The following CLASRP variants were observed in gnomAD, a reference collection of about 807,000 sequenced individuals.
The protein encoded by CLASRP is CLK4 associating serine/arginine rich protein.
CLASRP carries 52 observed loss-of-function variants against 99.9 expected under a neutral mutation model. The observed-to-expected ratio is 0.52, with a 90% CI of 0.42 to 0.66. CLASRP has a LOEUF of 0.66. Ranked by LOEUF, CLASRP falls within the 30% of genes least tolerant of loss-of-function variation. The pLI is 0.00. For synonymous variants in CLASRP, 379 were observed against 373.0 expected (o/e 1.02, Z -0.18); for missense variants, 848 against 999.2 (o/e 0.85, Z 2.04).
At position 45,064,216 on chromosome 19, in the gene CLASRP, TGCCAGC is replaced by T; in HGVS notation, c.1114_1119del (p.Ser372_Ala373del). 1.3e-6 allele frequency: 2 copies of T among 1,595,546 alleles called. No individual in the cohort carries two copies. The highest frequency in any genetic ancestry group is 1.7e-6 in the Non-Finnish European group (2 of 1,172,374). On this transcript the variant is annotated inframe_deletion, in exon 12 of 21. Coordinates refer to ENST00000221455, the MANE Select transcript of CLASRP (RefSeq NM_007056.3). ...CTGGCGGCCCCGCCCCGGGACGTAA[TGCCAGC>T]GCCCGGTCGGTAACGCTCACGCCGC...
Position 45,052,176 on chromosome 19 carries a change from T to C in CLASRP, c.197+8T>C. On this transcript the variant is annotated splice_region_variant and intron_variant, in intron 3 of 20. Coordinates refer to ENST00000221455, the MANE Select transcript of CLASRP (RefSeq NM_007056.3). ...TGAGAGCCCTGTTAATATGTAAGAC[T>C]GATATGGAAGGCAGGGGAGTGTCTG... 1 of 1,611,784 alleles carries C rather than the reference T, an allele frequency of 6.2e-7. No individual in the cohort carries two copies. Among genetic ancestry groups the C allele is most frequent in the South Asian group, 1.1e-5 (1 of 91,018 alleles).
In CLASRP at chr19:45,053,091, C is replaced by A; in HGVS notation, c.300-7C>A. On this transcript the variant is annotated splice_region_variant and splice_polypyrimidine_tract_variant and intron_variant, in intron 4 of 20. Transcript: ENST00000221455. ...CTCTGATTTCAAGGTCTCGCCCTTC[C>A]CTAAAGCTCCCCAGAACAGGAGTCG... 1 of 1,613,952 alleles carries A rather than the reference C, an allele frequency of 6.2e-7. No homozygotes were observed. The highest frequency in any genetic ancestry group is 8.5e-7 in the Non-Finnish European group (1 of 1,179,980).
intron 6 of CLASRP, among the ~76,000 whole-genome samples, chr19:45,057,067 A>T (rs1490561888): frequency 6.6e-6 from 1 of 152,174 alleles, no homozygotes; most frequent in Admixed American, 6.5e-5. Context: ...TCTGAGGAGC[A>T]GTGGCCGAGC....
chr19:45,068,638 C>T (rs1028741354), intron 16 of CLASRP, among the ~76,000 whole-genome samples, 158 bp downstream of exon 16: 10 of 124,486 alleles, frequency 8.0e-5, no homozygotes, highest in Non-Finnish European at 1.2e-4. Flanking sequence ...GCATCAGCTC[C>T]GCTGCCGCTA....
chr19:45,054,842 A>G (rs756987403), intron 5 of CLASRP, among the ~76,000 whole-genome samples: 1 of 152,154 alleles, frequency 6.6e-6, no homozygotes, highest in Non-Finnish European at 1.5e-5. Flanking sequence ...GATGATGTGT[A>G]TAAAACCCCA....
At chr19:45,044,269 A>AG (rs1391539584) in intron 2 of CLASRP, among the ~76,000 whole-genome samples, 7 of 152,212 alleles carry the variant, frequency 4.6e-5, no homozygotes, top group Admixed American at 4.6e-4. Context: ...CCTGCGAGGT[A>AG]GGTATTGATC....
At chr19:45,043,460 C>T (rs1172583104) in intron 2 of CLASRP, among the ~76,000 whole-genome samples, 2 of 148,654 alleles carry the variant, frequency 1.3e-5, no homozygotes, top group Non-Finnish European at 3.0e-5. Flanking sequence ...CGTATATGCA[C>T]ATACCCAGCT....
At chr19:45,070,697 T>C in intron 20 of CLASRP, 106 bp from the exon 21 acceptor site, 1 of 1,304,144 alleles carries the variant, frequency 7.7e-7, no homozygotes. Context: ...TTGGGGAACA[T>C]CCTTCCCTCC....
intron 5 of CLASRP, among the ~76,000 whole-genome samples, chr19:45,055,424 G>A (rs1181322352): frequency 1.3e-5 from 2 of 152,206 alleles, no homozygotes; most frequent in East Asian, 3.8e-4. Flanking sequence ...GGTCAGCAGG[G>A]CCTCTCTTGG....
At chr19:45,066,796 G>T (rs1036267300) in intron 13 of CLASRP, among the ~76,000 whole-genome samples, 1 of 152,020 alleles carries the variant, frequency 6.6e-6, no homozygotes, top group Admixed American at 6.6e-5. Flanking sequence ...GTGGGCAGTG[G>T]GTGGAGAGTC....
rs1321230609 is a variant in CLASRP, at chr19:45,064,063, C to A, written c.957C>A (p.Thr319=). 6 of 1,612,596 alleles carry A rather than the reference C, an allele frequency of 3.7e-6. No individual in the cohort carries two copies. Among genetic ancestry groups the A allele is most frequent in the Non-Finnish European group, 5.1e-6 (6 of 1,179,840 alleles). ...SESRSRSRSP[T]PGREEKITFI... ...CCCGCTCCCGCTCCCGCTCCCCGACCCCGGGCCGCGAGGAGAAGATCACGT... is the reference window on the plus strand; with the variant it reads ...CCCGCTCCCGCTCCCGCTCCCCGACACCGGGCCGCGAGGAGAAGATCACGT... Residue 319 remains threonine, a synonymous_variant, in exon 12 of 21, where the codon ACC becomes ACA. Coordinates refer to ENST00000221455, the MANE Select transcript of CLASRP (RefSeq NM_007056.3).
intron 1 of CLASRP, 45 bp from the exon 2 acceptor site, chr19:45,040,139 G>A: frequency 9.3e-7 from 1 of 1,070,142 alleles, no homozygotes; most frequent in Non-Finnish European, 1.4e-6. Flanking sequence ...CTGCCCATAC[G>A]GGTTTCACAG....
chr19:45,054,806 G>A (rs146055773), intron 5 of CLASRP, among the ~76,000 whole-genome samples: 10 of 152,260 alleles, frequency 6.6e-5, no homozygotes, highest in East Asian at 3.9e-4. Flanking sequence ...ATTTTGTTGC[G>A]TGGGGTGGTT....
chr19:45,052,906 C>G lies in CLASRP; in HGVS notation c.299+14C>G. ...GCTCACCACCATGTAAGCCACCTCCCAGGGGGTTGCCAGGCACAGCGTCAT... is the reference window on the plus strand; with the variant it reads ...GCTCACCACCATGTAAGCCACCTCCGAGGGGGTTGCCAGGCACAGCGTCAT... On this transcript the variant is annotated intron_variant, in intron 4 of 20. Coordinates refer to ENST00000221455, the MANE Select transcript of CLASRP (RefSeq NM_007056.3). 1 of 1,593,770 alleles carries G rather than the reference C, an allele frequency of 6.3e-7. No individual in the cohort carries two copies. The highest frequency in any genetic ancestry group is 8.5e-7 in the Non-Finnish European group (1 of 1,169,944).
chr19:45,050,520 A>T (rs948295574), intron 2 of CLASRP, among the ~76,000 whole-genome samples: 1 of 152,024 alleles, frequency 6.6e-6, no homozygotes, highest in African/African-American at 2.4e-5. Context: ...CCCCATCTCT[A>T]CTAAAAATAC....
Position 45,064,558 on chromosome 19 carries a change from G to T in CLASRP, c.1337G>T (p.Gly446Val), listed in dbSNP as rs996616638. 1 of 1,539,386 alleles carries T rather than the reference G, an allele frequency of 6.5e-7. No individual in the cohort carries two copies. The highest frequency in any genetic ancestry group is 8.7e-7 in the Non-Finnish European group (1 of 1,146,904). The change falls in exon 13 of 21, where the codon GGC becomes GTC. Residue 446 changes from glycine (G) to valine (V), a missense_variant. Gly to Val is a moderately radical substitution (Grantham distance 109, BLOSUM62 -3). Around this residue, in one of 8 missense-constraint regions of CLASRP, gnomAD observed 489 missense variants for 434.7 expected, o/e 1.12. Coordinates refer to ENST00000221455, the MANE Select transcript of CLASRP (RefSeq NM_007056.3). ...CGTGGCCGGCGGCACTCAGGTGGGGGCTCCCGAGACGGACACCGGTACTCC... is the reference window on the plus strand; with the variant it reads ...CGTGGCCGGCGGCACTCAGGTGGGGTCTCCCGAGACGGACACCGGTACTCC... ...RSRGRRHSGG[G>V]SRDGHRYSRS...
At position 45,057,754 on chromosome 19, in the gene CLASRP, G is replaced by A. The variant is rs139553242; in HGVS notation, c.469G>A (p.Ala157Thr). The change falls in exon 7 of 21, where the codon GCA (alanine) becomes ACA (threonine). Residue 157 changes from alanine (A) to threonine (T), a missense_variant. Ala to Thr is a moderately conservative substitution (Grantham distance 58). Coordinates refer to ENST00000221455, the MANE Select transcript of CLASRP (RefSeq NM_007056.3). Reference sequence around the variant, plus strand: ...TTACCAGCTCCCCTTTCTCAGGCTGGCAGAGAAGAAGGCTTCCATCGGTTA... The same window carrying A: ...TTACCAGCTCCCCTTTCTCAGGCTGACAGAGAAGAAGGCTTCCATCGGTTA... ...RPSEDEKKKLAEKKASIGYTY... is the reference protein window; with the variant it reads ...RPSEDEKKKLTEKKASIGYTY... 856 of 1,613,828 alleles carry A rather than the reference G, an allele frequency of 5.3e-4. No individual in the cohort carries two copies. The highest frequency in any genetic ancestry group is 7.0e-4 in the Non-Finnish European group (829 of 1,179,888).
chr19:45,054,439 G>A (rs894308122), intron 5 of CLASRP, among the ~76,000 whole-genome samples: 3 of 152,126 alleles, frequency 2.0e-5, no homozygotes, highest in Admixed American at 1.3e-4. Context: ...TAGTAGAGAC[G>A]GGGATTTCAC....
chr19:45,042,324 C>A lies in CLASRP; in HGVS notation c.99+2013C>A, dbSNP rs201264763. 4.6e-3 allele frequency among the ~76,000 whole-genome samples: 700 copies of A among 152,106 alleles called. 4 individuals carry two copies. The highest frequency in any genetic ancestry group is 0.016 in the African/African-American group (668 of 41,502). On this transcript the variant is annotated intron_variant, in intron 2 of 20. Transcript: ENST00000221455. ...GCCTCCTGGACTCTTCTAGGGAGGA[C>A]AGACTGGAGGAGCCAGGACTGGAGG...
Sources: allele counts gnomAD v4.1 joint callset (sites outside exome capture counted in the v4.1 genomes callset), GRCh38; gene constraint gnomAD v4.1.1; regional missense constraint gnomAD v4.1.1; transcripts MANE v1.5; gene names NCBI Gene and HGNC (gene_info 2026-07-23, HGNC 2026-07-21).